The following NRG1 variants were observed in gnomAD, a reference collection of about 807,000 sequenced individuals.
The protein encoded by NRG1 is neuregulin 1, also known as pro-neuregulin-1, membrane-bound isoform.
NRG1 carries 18 observed loss-of-function variants against 63.8 expected under a neutral mutation model. The observed-to-expected ratio is 0.28, with a 90% CI of 0.19 to 0.42. The LOEUF is 0.42. Ranked by LOEUF, NRG1 falls within the 10% of genes least tolerant of loss-of-function variation. The pLI, the probability that NRG1 is intolerant of heterozygous loss-of-function variation, is 1.00. For missense variants in NRG1, 762 were observed against 814.7 expected (o/e 0.94, Z 0.79); for synonymous variants, 302 against 301.3 (o/e 1.00, Z -0.02).
intron 1 of NRG1, among the ~76,000 whole-genome samples, chr8:32,224,247 A>C (rs1846104702): frequency 6.6e-6 from 1 of 152,162 alleles, no homozygotes; most frequent in Non-Finnish European, 1.5e-5. Context: ...CAAGCGGCTG[A>C]ATGAGGCAAG....
chr8:31,949,157 G>C (rs1194088758), intron 1 of NRG1, among the ~76,000 whole-genome samples: 3 of 152,176 alleles, frequency 2.0e-5, no homozygotes, highest in African/African-American at 7.2e-5. Flanking sequence ...GTGTCAGGCA[G>C]TGTGCTAAGC....
intron 1 of NRG1, among the ~76,000 whole-genome samples, chr8:32,007,511 A>G (rs1813966938): frequency 6.6e-6 from 1 of 152,060 alleles, no homozygotes; most frequent in African/African-American, 2.4e-5. Flanking sequence ...AGATAATTAA[A>G]TGAAGTCCAA....
At chr8:32,428,082 G>A (rs1390443184) in intron 1 of NRG1, among the ~76,000 whole-genome samples, 1 of 152,200 alleles carries the variant, frequency 6.6e-6, no homozygotes, top group Non-Finnish European at 1.5e-5. Context: ...TGTTGGAGGA[G>A]TCTCTCTTCT....
At chr8:32,764,173 A>G in exon 12 of NRG1, 4 of 1,614,162 alleles carry the variant, frequency 2.5e-6, no homozygotes, top group Non-Finnish European at 3.4e-6. Context: ...GTGGACAGCA[A>G]CACAAGCTCC....
chr8:32,079,955 T>C (rs1315744235), intron 1 of NRG1, among the ~76,000 whole-genome samples: 2 of 152,186 alleles, frequency 1.3e-5, no homozygotes, highest in East Asian at 3.9e-4. Flanking sequence ...TACAATTGGC[T>C]AAACAAGTAT....
chr8:31,663,563 G>C (rs1806221190), intron 1 of NRG1, among the ~76,000 whole-genome samples: 1 of 152,124 alleles, frequency 6.6e-6, no homozygotes, highest in South Asian at 2.1e-4. Context: ...ACTTCTGTGG[G>C]TGTCCTACTG....
At chr8:32,507,425 A>C (rs73579865) in intron 1 of NRG1, among the ~76,000 whole-genome samples, 4,709 of 152,296 alleles carry the variant, frequency 0.031, 85 homozygotes, top group African/African-American at 0.049. Flanking sequence ...TTCACAGTTT[A>C]GTTGCCTCTT....
At chr8:32,386,561 G>C (rs145337070) in intron 1 of NRG1, among the ~76,000 whole-genome samples, 1 of 152,242 alleles carries the variant, frequency 6.6e-6, no homozygotes, top group African/African-American at 2.4e-5. Context: ...ACCTGCTCTA[G>C]GAAATGTGGA....
chr8:31,880,228 A>C (rs1830245370), intron 1 of NRG1, among the ~76,000 whole-genome samples: 1 of 152,118 alleles, frequency 6.6e-6, no homozygotes, highest in Admixed American at 6.5e-5. Flanking sequence ...GTGTATTGAA[A>C]ATCTGATATG....
chr8:32,707,719 A>G (rs1192733956), intron 5 of NRG1, among the ~76,000 whole-genome samples: 1 of 29,840 alleles, frequency 3.4e-5, no homozygotes, highest in African/African-American at 8.2e-5. Flanking sequence ...GGTTTGTGGC[A>G]TTTTGAGATT....
chr8:32,534,835 G>C (rs1221470636), intron 1 of NRG1, among the ~76,000 whole-genome samples: 2 of 151,876 alleles, frequency 1.3e-5, no homozygotes, highest in African/African-American at 4.8e-5. Flanking sequence ...TTTTACTTTG[G>C]CTGTGGGCTG....
intron 1 of NRG1, among the ~76,000 whole-genome samples, chr8:31,883,366 C>G (rs1830495716): frequency 3.9e-5 from 6 of 152,000 alleles, no homozygotes; most frequent in Admixed American, 3.9e-4. Context: ...CACTGGGAAA[C>G]CAAAAAATTC....
At chr8:32,594,267 G>A (rs1842989028) in intron 1 of NRG1, among the ~76,000 whole-genome samples, 1 of 152,080 alleles carries the variant, frequency 6.6e-6, no homozygotes, top group African/African-American at 2.4e-5. Flanking sequence ...ACGGAATCAG[G>A]GAGGTATAGA....
At chr8:32,590,942 C>CA (rs1347339913) in intron 1 of NRG1, among the ~76,000 whole-genome samples, 1 of 151,982 alleles carries the variant, frequency 6.6e-6, no homozygotes, top group East Asian at 1.9e-4. Context: ...TCCATAAAGA[C>CA]AAAAAAAGGT....
chr8:31,724,363 A>G (rs1267565833), intron 1 of NRG1, among the ~76,000 whole-genome samples: 1 of 152,138 alleles, frequency 6.6e-6, no homozygotes, highest in Non-Finnish European at 1.5e-5. Flanking sequence ...CATGAGAAAT[A>G]TGAAAGGAGT....
chr8:32,370,211 G>A (rs1808625917), intron 1 of NRG1, among the ~76,000 whole-genome samples: 3 of 152,134 alleles, frequency 2.0e-5, no homozygotes, highest in African/African-American at 4.8e-5. Context: ...GTGAATAGGA[G>A]AAACCAAAGA....
chr8:32,591,228 A>G (rs1279043063), intron 1 of NRG1, among the ~76,000 whole-genome samples: 1 of 152,156 alleles, frequency 6.6e-6, no homozygotes, highest in African/African-American at 2.4e-5. Flanking sequence ...CAGGGACATT[A>G]TTACACCTGG....
At chr8:31,965,736 T>A (rs1332740083) in intron 1 of NRG1, among the ~76,000 whole-genome samples, 2 of 152,206 alleles carry the variant, frequency 1.3e-5, no homozygotes, top group Admixed American at 1.3e-4. Flanking sequence ...ATAATAGCTA[T>A]TCTGACTGGT....
At chr8:32,715,197 C>T (rs1435546687) in intron 5 of NRG1, among the ~76,000 whole-genome samples, 2 of 152,068 alleles carry the variant, frequency 1.3e-5, no homozygotes, top group African/African-American at 4.8e-5. Flanking sequence ...TCTTGCCATC[C>T]ACCCGCCTCA....
Sources: gnomAD v4.1 joint callset for allele counts (sites outside exome capture counted in the v4.1 genomes callset) on GRCh38, gnomAD v4.1.1 for gene constraint, MANE v1.5 for transcripts, NCBI Gene and HGNC (gene_info 2026-07-23, HGNC 2026-07-21) for gene names.